The following GP2 variants were observed in gnomAD, a reference collection of about 807,000 sequenced individuals.
GP2 encodes glycoprotein 2.
Under a neutral mutation model 60.8 loss-of-function variants are expected in GP2, and 58 were observed. That is an observed-to-expected ratio of 0.95 (90% CI 0.77 to 1.19). The LOEUF is 1.19. Among genes scored for constraint, GP2 ranks in the 50% most tolerant of loss-of-function variants. GP2 has a pLI of 0.00. For missense variants in GP2, 647 were observed against 667.4 expected (o/e 0.97, Z 0.34); for synonymous variants, 280 against 253.4 (o/e 1.10, Z -1.00).
chr16:20,314,316 A>T (rs868074679), intron 10 of GP2, among the ~76,000 whole-genome samples: 4 of 149,740 alleles, frequency 2.7e-5, no homozygotes, highest in Non-Finnish European at 4.4e-5. Context: ...GGCATTATCT[A>T]TCACATCACT....
At chr16:20,319,933 T>G (rs1964301150) in intron 5 of GP2, among the ~76,000 whole-genome samples, 165 bp from the exon 6 acceptor site, 1 of 152,208 alleles carries the variant, frequency 6.6e-6, no homozygotes, top group African/African-American at 2.4e-5. Context: ...TTACTGACAC[T>G]TTATGGGAAG....
chr16:20,326,328 G>T lies in GP2; in HGVS notation c.94+10C>A. The T allele has an allele frequency of 6.2e-7, 1 of 1,613,038 alleles. No homozygotes were observed. The highest frequency in any genetic ancestry group is 1.1e-5 in the South Asian group (1 of 91,066). ...TGACATCTGAGATGCCAGGTGAGCA[G>T]AATACTTACCTCGCTGCACTGCAGA... On this transcript the variant is annotated intron_variant, in intron 2 of 10. Transcript: ENST00000302555.
intron 10 of GP2, among the ~76,000 whole-genome samples, chr16:20,311,862 G>T (rs1419782100): frequency 6.6e-6 from 1 of 152,224 alleles, no homozygotes; most frequent in African/African-American, 2.4e-5. Context: ...TACTGAAGGG[G>T]CAGAAAGACA....
intron 9 of GP2, among the ~76,000 whole-genome samples, chr16:20,315,254 GT>G (rs1964126856): frequency 6.6e-6 from 1 of 152,096 alleles, no homozygotes; most frequent in Non-Finnish European, 1.5e-5. Flanking sequence ...ATTTGACAAA[GT>G]GCCAGGCACA....
intron 4 of GP2, among the ~76,000 whole-genome samples, chr16:20,322,282 C>T (rs1964387859): frequency 6.6e-6 from 1 of 152,166 alleles, no homozygotes; most frequent in South Asian, 2.1e-4. Context: ...GAGGCTCATC[C>T]ATCCCCTGTC....
At chr16:20,315,530 G>C (rs753887218) in intron 9 of GP2, among the ~76,000 whole-genome samples, 1 of 152,078 alleles carries the variant, frequency 6.6e-6, no homozygotes, top group Admixed American at 6.5e-5. Context: ...TAGGACTTAC[G>C]CCTCACCCAT....
Position 20,310,796 on chromosome 16 carries a change from G to C in GP2, c.*427C>G, listed in dbSNP as rs917801380. 2.3e-5 allele frequency: 3 copies of C among 129,658 alleles called. No individual in the cohort carries two copies. Among genetic ancestry groups the C allele is most frequent in the African/African-American group, 9.0e-5 (3 of 33,480 alleles). The allele number at this position is 129,658 out of a possible 1,614,324, so 8.0% of individuals were successfully genotyped here. ...TCCTGAGACAGAGTCTTGCTCTGTT[G>C]CCCAGGCTGGAGTGCAATGGCACAA... On this transcript the variant is annotated 3_prime_UTR_variant, in exon 11 of 11. Transcript: ENST00000302555.
intron 4 of GP2, among the ~76,000 whole-genome samples, chr16:20,320,689 GT>G (rs1964330765): frequency 6.6e-6 from 1 of 152,180 alleles, no homozygotes; most frequent in African/African-American, 2.4e-5. Context: ...GCTTGCTAAG[GT>G]TTTTTAGTCT....
At chr16:20,318,514 G>T in intron 6 of GP2, 84 bp from the exon 7 acceptor site, 2 of 1,258,918 alleles carry the variant, frequency 1.6e-6, no homozygotes, top group Non-Finnish European at 1.1e-6. Flanking sequence ...ACTTACGAAG[G>T]CAAGGACACA....
At chr16:20,311,860 G>A (rs1183540888) in intron 10 of GP2, among the ~76,000 whole-genome samples, 1 of 152,184 alleles carries the variant, frequency 6.6e-6, no homozygotes, top group Non-Finnish European at 1.5e-5. Flanking sequence ...AATACTGAAG[G>A]GGCAGAAAGA....
chr16:20,320,385 C>G lies in GP2; in HGVS notation c.735G>C (p.Leu245Phe), dbSNP rs778001654. The change falls in exon 5 of 11, where the codon TTG (leucine) becomes TTC (phenylalanine). Residue 245 changes from leucine to phenylalanine, a missense_variant. Physicochemically the swap from Leu to Phe is conservative, Grantham distance 22. Coordinates refer to ENST00000302555, the MANE Select transcript of GP2 (RefSeq NM_001502.4). ...GCAGGTAGGCAATGACCTCCTCCCC[C>G]AAACCCAGGCCTCCCAGCAAACATT... ...VDKCLLGGLG[L>F]GEEVIAYLRD... 15 of 1,613,812 alleles carry G rather than the reference C, an allele frequency of 9.3e-6. No homozygotes were observed. In the East Asian group the frequency reaches 1.1e-4, roughly 12 times the overall value.
chr16:20,317,070 C>T (rs1197034564), intron 8 of GP2, 143 bp downstream of exon 8: 1 of 525,172 alleles, frequency 1.9e-6, no homozygotes, highest in African/African-American at 1.9e-5. Flanking sequence ...TCCCCTTCCC[C>T]TTTCCCTTCT....
chr16:20,313,482 G>A (rs1964060013), intron 10 of GP2, among the ~76,000 whole-genome samples: 1 of 152,098 alleles, frequency 6.6e-6, no homozygotes, highest in Non-Finnish European at 1.5e-5. Context: ...TCTCACTTGT[G>A]CAATGAATTA....
chr16:20,323,598 C>A (rs747819836), intron 3 of GP2: 1 of 589,538 alleles, frequency 1.7e-6, no homozygotes, highest in Non-Finnish European at 3.1e-6. Context: ...ATGCTACACA[C>A]ATTTATAAAC....
chr16:20,325,506 C>T (rs59994472), intron 2 of GP2, among the ~76,000 whole-genome samples: 3,925 of 152,222 alleles, frequency 0.026, 154 homozygotes, highest in African/African-American at 0.082. Context: ...GGAATATATA[C>T]ACCTCATTTG....
chr16:20,317,439 C>A (rs1964219574), intron 7 of GP2, 64 bp from the exon 8 acceptor site: 2 of 1,204,404 alleles, frequency 1.7e-6, no homozygotes, highest in Non-Finnish European at 2.4e-6. Flanking sequence ...ATTAAAGAGT[C>A]CCTCGGGTTC....
chr16:20,321,580 A>G (rs918080856), intron 4 of GP2, among the ~76,000 whole-genome samples: 1 of 152,214 alleles, frequency 6.6e-6, no homozygotes, highest in African/African-American at 2.4e-5. Context: ...CAGTGGTATG[A>G]AATTTGAAAC....
In GP2 at chr16:20,320,351, T is replaced by G; in HGVS notation, c.769A>C (p.Asn257His). The part of the protein sequence containing the change: ...EEVIAYLRDP[N>H]CSSILQTEER... Reference sequence around the variant, plus strand: ...TCTGTCTGCAAGATGCTGCTGCAGTTTGGGTCTCGCAGGTAGGCAATGACC... The same window carrying G: ...TCTGTCTGCAAGATGCTGCTGCAGTGTGGGTCTCGCAGGTAGGCAATGACC... The change falls in exon 5 of 11, where the codon AAC (asparagine) becomes CAC (histidine). Residue 257 changes from asparagine to histidine, a missense_variant. By Grantham distance (68) the Asn-to-His change is moderately conservative (BLOSUM62 1). Coordinates refer to ENST00000302555, the MANE Select transcript of GP2 (RefSeq NM_001502.4). 1.9e-6 allele frequency: 3 copies of G among 1,614,034 alleles called. No individual in the cohort carries two copies. Among genetic ancestry groups the G allele is most frequent in the Non-Finnish European group, 2.5e-6 (3 of 1,179,920 alleles).
chr16:20,315,751 C>T (rs1964144602), intron 9 of GP2, among the ~76,000 whole-genome samples: 2 of 152,166 alleles, frequency 1.3e-5, no homozygotes, highest in African/African-American at 4.8e-5. Context: ...GATGCAAGAG[C>T]TTAGCCTGGT....
Sources: gnomAD v4.1 joint callset for allele counts (sites outside exome capture counted in the v4.1 genomes callset) on GRCh38, gnomAD v4.1.1 for gene constraint, MANE v1.5 for transcripts, NCBI Gene and HGNC (gene_info 2026-07-23, HGNC 2026-07-21) for gene names.